Variants in DSCAML1 observed in about 807,000 individuals in gnomAD.
DSCAML1 encodes DS cell adhesion molecule like 1, also known as cell adhesion molecule DSCAML1.
DSCAML1 carries 38 observed loss-of-function variants against 200.5 expected under a neutral mutation model. That is an observed-to-expected ratio of 0.19 (90% CI 0.15 to 0.25). The LOEUF is 0.25. DSCAML1 is among the 10% of genes least tolerant of loss of function. The pLI, the probability that DSCAML1 is intolerant of heterozygous loss-of-function variation, is 1.00. For synonymous variants in DSCAML1, 1,215 were observed against 1,165.0 expected (o/e 1.04, Z -0.87); for missense variants, 2,223 against 2,858.8 (o/e 0.78, Z 5.07).
intron 3 of DSCAML1, among the ~76,000 whole-genome samples, chr11:117,575,757 G>A (rs376211327): frequency 7.9e-5 from 12 of 152,238 alleles, no homozygotes; most frequent in Admixed American, 2.0e-4. Flanking sequence ...ACTCAAACCC[G>A]GGAGCTGGAG....
At chr11:117,667,314 A>G (rs1302365397) in intron 3 of DSCAML1, among the ~76,000 whole-genome samples, 1 of 152,196 alleles carries the variant, frequency 6.6e-6, no homozygotes, top group East Asian at 1.9e-4. Flanking sequence ...CGGGAGGTTG[A>G]GGCACGATAA....
Position 117,664,541 on chromosome 11 carries a change from G to A in DSCAML1, c.511+112250C>T, listed in dbSNP as rs534757474. ...CTACCTTACATTGCTGTTTTGAGGT[G>A]TTACGCTTGTATATGAAAAGTACCT... On this transcript the variant is annotated intron_variant, in intron 3 of 32. Transcript: ENST00000651296. Among the ~76,000 whole-genome samples, 3 of 152,206 alleles carry A rather than the reference G, an allele frequency of 2.0e-5. 1 individual carries two copies. The South Asian group carries it at 6.2e-4, about 32-fold the overall frequency.
intron 8 of DSCAML1, among the ~76,000 whole-genome samples, chr11:117,511,901 G>C (rs1420682649): frequency 6.6e-6 from 1 of 152,260 alleles, no homozygotes; most frequent in Admixed American, 6.5e-5. Context: ...GTACCAGGGT[G>C]CACACGCACG....
At chr11:117,631,678 A>C (rs2137573073) in intron 3 of DSCAML1, among the ~76,000 whole-genome samples, 1 of 152,262 alleles carries the variant, frequency 6.6e-6, no homozygotes, top group Admixed American at 6.5e-5. Flanking sequence ...GTGCACACAC[A>C]TGTGATTGTG....
chr11:117,473,796 C>T (rs1473985723), intron 14 of DSCAML1, among the ~76,000 whole-genome samples: 1 of 152,204 alleles, frequency 6.6e-6, no homozygotes, highest in Non-Finnish European at 1.5e-5. Flanking sequence ...AACACCCTAA[C>T]CACGGGAGGG....
At position 117,525,051 on chromosome 11, in the gene DSCAML1, C is replaced by A; in HGVS notation, c.691G>T (p.Gly231Cys). The stretch of plus-strand genomic sequence containing the variant: ...GCCCACACTTCCTGGGAGTGGAAGC[C>A]ATCCAGGATGGTGGGGATCGACTCA... ...PAESIPTILDGFHSQEVWAGH... is the reference protein window; with the variant it reads ...PAESIPTILDCFHSQEVWAGH... Residue 231 changes from glycine to cysteine, a missense_variant, in exon 5 of 33, where the codon GGC (glycine) becomes TGC (cysteine). By Grantham distance (159) the Gly-to-Cys change is radical. This residue lies in a region of DSCAML1 where 579 missense variants were observed against 721.5 expected (regional missense o/e 0.80). Coordinates refer to ENST00000651296, the MANE Select transcript of DSCAML1 (RefSeq NM_020693.4). 1 of 1,587,060 alleles carries A rather than the reference C, an allele frequency of 6.3e-7. No homozygotes were observed. Among genetic ancestry groups the A allele is most frequent in the South Asian group, 1.1e-5 (1 of 87,222 alleles).
At chr11:117,764,221 C>G (rs957727092) in intron 3 of DSCAML1, among the ~76,000 whole-genome samples, 22 of 152,222 alleles carry the variant, frequency 1.4e-4, no homozygotes, top group African/African-American at 5.1e-4. Context: ...TCTTAGGTCC[C>G]TGCTCTGGGG....
chr11:117,702,981 A>T (rs2137749884), intron 3 of DSCAML1, among the ~76,000 whole-genome samples: 1 of 152,292 alleles, frequency 6.6e-6, no homozygotes, highest in Admixed American at 6.5e-5. Context: ...GGTAAGTTTG[A>T]ATTTGGAGGT....
chr11:117,650,698 T>TGTGTGTGTGTGTGC (rs1427168133), intron 3 of DSCAML1, among the ~76,000 whole-genome samples: 8 of 106,342 alleles, frequency 7.5e-5, no homozygotes, highest in Non-Finnish European at 1.5e-4. Context: ...TGTGTGTGTG[T>TGTGTGTGTGTGTGC]GTGCGTGTGT....
chr11:117,733,522 C>G (rs948772046), intron 3 of DSCAML1, among the ~76,000 whole-genome samples: 1 of 152,184 alleles, frequency 6.6e-6, no homozygotes, highest in Non-Finnish European at 1.5e-5. Context: ...CTGCCTGTGG[C>G]TATTGCCCAA....
chr11:117,793,036 A>AC (rs554640305), intron 1 of DSCAML1, among the ~76,000 whole-genome samples: 127 of 151,600 alleles, frequency 8.4e-4, no homozygotes, highest in African/African-American at 2.9e-3. Flanking sequence ...CTCCTTCCCC[A>AC]CCCCCTTCCA....
chr11:117,680,624 T>C (rs774918863), intron 3 of DSCAML1, among the ~76,000 whole-genome samples: 2 of 152,236 alleles, frequency 1.3e-5, no homozygotes, highest in Admixed American at 6.5e-5. Flanking sequence ...CGCTGTGGCC[T>C]GTGCTGGCCA....
chr11:117,535,621 A>G (rs1760138419), intron 3 of DSCAML1, among the ~76,000 whole-genome samples: 1 of 152,158 alleles, frequency 6.6e-6, no homozygotes, highest in Admixed American at 6.5e-5. Context: ...TTTTGTCTCC[A>G]TGTTGTGACA....
chr11:117,715,586 G>C (rs1463279725), intron 3 of DSCAML1, among the ~76,000 whole-genome samples: 1 of 152,220 alleles, frequency 6.6e-6, no homozygotes, highest in African/African-American at 2.4e-5. Flanking sequence ...TGCCGATTTT[G>C]TCTTGTGAAC....
chr11:117,795,840 G>A (rs1326057892), intron 1 of DSCAML1, among the ~76,000 whole-genome samples: 3 of 152,198 alleles, frequency 2.0e-5, no homozygotes, highest in Non-Finnish European at 4.4e-5. Flanking sequence ...ACCCTCCACT[G>A]GAGTGCCCTT....
rs543405195 is a variant in DSCAML1, at chr11:117,520,266, T to A, written c.1213+864A>T. ...TGGGCAACGTGTGCAGTGAACAACC[T>A]GAACAACCATACACAGAGGTGCTGG... On this transcript the variant is annotated intron_variant, in intron 6 of 32. Coordinates refer to ENST00000651296, the MANE Select transcript of DSCAML1 (RefSeq NM_020693.4). Among the ~76,000 whole-genome samples the A allele has an allele frequency of 3.5e-4, 53 of 152,264 alleles. 1 individual carries two copies. The South Asian group carries it at 1.0e-2, about 29-fold the overall frequency.
Position 117,780,288 on chromosome 11 carries a change from GAA to G in DSCAML1, c.364+203_364+204del, listed in dbSNP as rs2055223857. Among the ~76,000 whole-genome samples, 1 of 97,562 alleles carries G rather than the reference GAA, an allele frequency of 1.0e-5. No individual in the cohort carries two copies. Among genetic ancestry groups the G allele is most frequent in the Non-Finnish European group, 2.5e-5 (1 of 39,764 alleles). 64.0% of individuals were successfully genotyped at this position (97,562 alleles called of 152,430 possible). A position where few individuals can be genotyped will look rare whatever the true frequency, so the allele number is the denominator to read the frequency against. On this transcript the variant is annotated intron_variant, in intron 2 of 32. Coordinates refer to ENST00000651296, the MANE Select transcript of DSCAML1 (RefSeq NM_020693.4). The surrounding 1 kb of genome is among the most constrained non-coding windows in gnomAD (Gnocchi z 4.8). ...AGAAAGAAAGAAAGAAAGAAAGAAAGAAAGAAAGAAAGAAAGAGAGAAAGGAG... is the reference window on the plus strand; with the variant it reads ...AGAAAGAAAGAAAGAAAGAAAGAAAGAGAAAGAAAGAAAGAGAGAAAGGAG...
chr11:117,813,279 A>T (rs1280641219), intron 1 of DSCAML1, among the ~76,000 whole-genome samples: 1 of 152,206 alleles, frequency 6.6e-6, no homozygotes, highest in African/African-American at 2.4e-5. Flanking sequence ...ATTAGGCCCC[A>T]GTCTCATTCC....
At chr11:117,679,317 G>A (rs1014071456) in intron 3 of DSCAML1, among the ~76,000 whole-genome samples, 15 of 152,220 alleles carry the variant, frequency 9.9e-5, no homozygotes, top group Non-Finnish European at 2.1e-4. Context: ...TGCGGCGGTC[G>A]GAGCTGCGGC....
Sources: gnomAD v4.1 joint callset for allele counts (sites outside exome capture counted in the v4.1 genomes callset) on GRCh38, gnomAD v4.1.1 for gene constraint, gnomAD v4.1.1 regional missense constraint, Gnocchi (gnomAD v3.1) non-coding constraint, MANE v1.5 for transcripts, NCBI Gene and HGNC (gene_info 2026-07-23, HGNC 2026-07-21) for gene names.